Variants in PRDM1 observed in about 807,000 individuals in gnomAD.
The protein encoded by PRDM1 is PR domain zinc finger protein 1.
A neutral mutation model predicts 62.8 loss-of-function variants in PRDM1; 13 were observed. The observed-to-expected ratio is 0.21, with a 90% CI of 0.13 to 0.33. The LOEUF (loss-of-function observed/expected upper bound fraction) is 0.33, where lower values mean the gene tolerates loss of function less well. PRDM1 is among the 10% of genes least tolerant of loss of function. The probability of loss-of-function intolerance (pLI) is 1.00; values close to 1 mark genes in which losing one functional copy is unlikely to be tolerated. For synonymous variants in PRDM1, 396 were observed against 417.6 expected, an observed-to-expected ratio of 0.95 and a Z score of 0.63; for missense variants, 895 against 1,058.8, an observed-to-expected ratio of 0.85 and a Z score of 2.15.
At chr6:106,013,682 A>G (rs1772584489) in intron 1 of PRDM1, among the ~76,000 whole-genome samples, 1 of 152,108 alleles carries the variant, frequency 6.6e-6, no homozygotes, top group African/African-American at 2.4e-5. Context: ...CCAAGAGCCA[A>G]TATTGTATAG....
intron 3 of PRDM1, chr6:106,098,819 T>TAG: frequency 2.0e-6 from 3 of 1,522,614 alleles, no homozygotes; most frequent in Middle Eastern, 3.4e-4. Context: ...GGCGGGGGTG[T>TAG]AGGAAACGGC....
At chr6:106,093,400 A>G (rs926199168) in intron 2 of PRDM1, among the ~76,000 whole-genome samples, 9 of 152,248 alleles carry the variant, frequency 5.9e-5, no homozygotes, top group Non-Finnish European at 2.9e-5. Flanking sequence ...AATTTAAAAC[A>G]AAGTTGATGA....
At chr6:106,019,900 A>C (rs1359823820) in intron 1 of PRDM1, among the ~76,000 whole-genome samples, 1 of 147,374 alleles carries the variant, frequency 6.8e-6, no homozygotes, top group Admixed American at 6.8e-5. Flanking sequence ...ATGGCCTCCC[A>C]AAGTGCTGGG....
intron 1 of PRDM1, among the ~76,000 whole-genome samples, chr6:106,076,919 G>A (rs180983550): frequency 6.6e-6 from 1 of 152,350 alleles, no homozygotes; most frequent in East Asian, 1.9e-4. Flanking sequence ...TTAGGAAGAA[G>A]TCCAGTGCCA....
At chr6:106,094,909 A>G (rs1343599935) in intron 2 of PRDM1, among the ~76,000 whole-genome samples, 1 of 48,918 alleles carries the variant, frequency 2.0e-5, no homozygotes, top group African/African-American at 4.3e-5. Context: ...TCTTTAAAAC[A>G]CACACACACA....
chr6:106,092,469 T>C (rs895511897), intron 2 of PRDM1, among the ~76,000 whole-genome samples: 2 of 152,214 alleles, frequency 1.3e-5, no homozygotes, highest in African/African-American at 4.8e-5. Flanking sequence ...GCAGTAATTC[T>C]TTAGGACCCT....
At chr6:106,002,250 T>C (rs1472735306) in intron 1 of PRDM1, among the ~76,000 whole-genome samples, 16 of 152,230 alleles carry the variant, frequency 1.1e-4, no homozygotes, top group Non-Finnish European at 1.6e-4. Flanking sequence ...GCTGCCCTTC[T>C]AACCCTTGCT....
At chr6:106,083,572 C>A (rs1172823059), upstream of PRDM1, among the ~76,000 whole-genome samples, 3 of 152,038 alleles carry the variant, frequency 2.0e-5, no homozygotes, top group Non-Finnish European at 4.4e-5. Flanking sequence ...TAGCTGAAAC[C>A]GAATTAAAAT....
chr6:106,029,702 G>A (rs1772813107), intron 1 of PRDM1, among the ~76,000 whole-genome samples: 1 of 151,998 alleles, frequency 6.6e-6, no homozygotes, highest in South Asian at 2.1e-4. Context: ...ACCTCTCCAG[G>A]CTCAGGTGAT....
At chr6:105,997,414 C>G (rs750446761) in intron 1 of PRDM1, among the ~76,000 whole-genome samples, 1 of 152,312 alleles carries the variant, frequency 6.6e-6, no homozygotes. Flanking sequence ...TTCGTTCTCT[C>G]TTTTTAAATA....
intron 1 of PRDM1, among the ~76,000 whole-genome samples, chr6:106,053,498 T>C (rs939128181): frequency 1.3e-5 from 2 of 152,176 alleles, no homozygotes; most frequent in Non-Finnish European, 1.5e-5. Context: ...ATAAGTATTC[T>C]ATTGTATCTA....
chr6:106,025,318 T>C (rs113240474), intron 1 of PRDM1, among the ~76,000 whole-genome samples: 4 of 152,360 alleles, frequency 2.6e-5, no homozygotes, highest in Admixed American at 6.5e-5. Flanking sequence ...AGTTAACGTT[T>C]ATGCCATATG....
At chr6:106,040,996 A>AT (rs1169078087) in intron 1 of PRDM1, among the ~76,000 whole-genome samples, 1 of 152,032 alleles carries the variant, frequency 6.6e-6, no homozygotes, top group Non-Finnish European at 1.5e-5. Flanking sequence ...TTACTTTCCT[A>AT]TTTTTTCCCC....
Position 106,105,564 on chromosome 6 carries a change from C to T in PRDM1, c.1404C>T (p.Ser468=), listed in dbSNP as rs764385521. ...TGCTCAACCCCACTTCTCTCCCGAG[C>T]TCGCTGCCCTCAGATGGAGCCCGGA... ...HPMLNPTSLP[S]SLPSDGARRL... Residue 468 remains serine (S), a synonymous_variant, in exon 5 of 7, where the codon AGC becomes AGT. Coordinates refer to ENST00000369096, the MANE Select transcript of PRDM1 (RefSeq NM_001198.4). The T allele has an allele frequency of 1.2e-6, 2 of 1,612,782 alleles. No homozygotes were observed. Among genetic ancestry groups the T allele is most frequent in the Admixed American group, 3.3e-5 (2 of 59,964 alleles).
chr6:106,011,405 T>C (rs1176803743), intron 1 of PRDM1, among the ~76,000 whole-genome samples: 1 of 152,174 alleles, frequency 6.6e-6, no homozygotes, highest in Non-Finnish European at 1.5e-5. Flanking sequence ...ACTTGAACTC[T>C]TCAGTCTGTC....
At chr6:106,022,514 C>T (rs1357099459) in intron 1 of PRDM1, among the ~76,000 whole-genome samples, 2 of 151,718 alleles carry the variant, frequency 1.3e-5, no homozygotes, top group African/African-American at 2.4e-5. Context: ...CTGCAACCTC[C>T]GCCTCTTGGG....
Position 106,107,501 on chromosome 6 carries a change from A to G in PRDM1, c.*15A>G. Reference sequence around the variant, plus strand: ...TGGATCCTTAAGATTTTCAGAAAACACTTATTTTGTTTCTTAAGTTATGAC... The same window carrying G: ...TGGATCCTTAAGATTTTCAGAAAACGCTTATTTTGTTTCTTAAGTTATGAC... On this transcript the variant is annotated 3_prime_UTR_variant, in exon 7 of 7. Transcript: ENST00000369096. 6.3e-7 allele frequency: 1 copy of G among 1,575,758 alleles called. No individual in the cohort carries two copies. The highest frequency in any genetic ancestry group is 8.6e-7 in the Non-Finnish European group (1 of 1,159,730).
chr6:106,067,859 A>C (rs1378723703), intron 1 of PRDM1, among the ~76,000 whole-genome samples: 1 of 152,176 alleles, frequency 6.6e-6, no homozygotes, highest in Non-Finnish European at 1.5e-5. Flanking sequence ...AAATGATTAA[A>C]ATGGTAAATT....
In PRDM1 at chr6:106,086,679, A is replaced by AT. The variant is rs917230390; in HGVS notation, c.42+92dup. 71 of 1,308,052 alleles carry AT rather than the reference A, an allele frequency of 5.4e-5. 1 individual carries two copies. The highest frequency in any genetic ancestry group is 4.6e-4 in the East Asian group (18 of 39,284). 81.0% of individuals were successfully genotyped at this position (1,308,052 alleles called of 1,614,324 possible). On this transcript the variant is annotated intron_variant, in intron 1 of 6. Transcript: ENST00000369096. The stretch of plus-strand genomic sequence containing the variant: ...TTTTCCTTTATTGTTATTATTATTA[A>AT]TTTTTTTTGGCTAATGTCGCAGTAG...
Sources: allele counts gnomAD v4.1 joint callset (sites outside exome capture counted in the v4.1 genomes callset), GRCh38; gene constraint gnomAD v4.1.1; transcripts MANE v1.5; gene names NCBI Gene and HGNC (gene_info 2026-07-23, HGNC 2026-07-21).